The following PTPRM variants were observed in gnomAD, a reference collection of about 807,000 sequenced individuals.
PTPRM encodes the protein protein tyrosine phosphatase receptor type M.
A neutral mutation model predicts 186.7 loss-of-function variants in PTPRM; 47 were observed. That is an observed-to-expected ratio of 0.25 (90% confidence interval 0.20 to 0.32). The LOEUF (loss-of-function observed/expected upper bound fraction) is 0.32, where lower values mean the gene tolerates loss of function less well. Ranked by LOEUF, PTPRM falls within the 10% of genes least tolerant of loss-of-function variation. The pLI is 1.00. For missense variants in PTPRM, 1,494 were observed against 1,865.0 expected (o/e 0.80, Z 3.66); for synonymous variants, 668 against 674.9 (o/e 0.99, Z 0.16).
At chr18:7,596,836 CTTCAT>C (rs2037274669) in intron 1 of PTPRM, among the ~76,000 whole-genome samples, 1 of 151,806 alleles carries the variant, frequency 6.6e-6, no homozygotes. Flanking sequence ...CCCTTACTTT[CTTCAT>C]TTATCTTTTT....
intron 2 of PTPRM, among the ~76,000 whole-genome samples, chr18:7,784,998 G>C (rs963399113): frequency 1.3e-5 from 2 of 152,190 alleles, no homozygotes; most frequent in African/African-American, 4.8e-5. Context: ...AGTGATGCTG[G>C]AACAGGTAGA....
rs928307669 is a variant in PTPRM at position 7,633,715 on chromosome 18, G to T, written c.73+65824G>T. Among the ~76,000 whole-genome samples the T allele has an allele frequency of 5.9e-5, 9 of 152,160 alleles. No homozygotes were observed. In the East Asian group the frequency reaches 1.4e-3, roughly 23 times the overall value. ...TCCAAATGCTCTTCCTGCATCCTCC[G>T]CATCGCAGGAAAGGACAGCATCTTT... On this transcript the variant is annotated intron_variant, in intron 1 of 32. Coordinates refer to ENST00000580170, the MANE Select transcript of PTPRM (RefSeq NM_001105244.2).
chr18:7,904,386 T>G (rs1340698322), intron 3 of PTPRM, among the ~76,000 whole-genome samples: 1 of 152,146 alleles, frequency 6.6e-6, no homozygotes, highest in East Asian at 1.9e-4. Flanking sequence ...GTGGTGGTGA[T>G]GTCCTTTTGT....
intron 14 of PTPRM, among the ~76,000 whole-genome samples, chr18:8,227,433 T>TA (rs1386935524): frequency 6.6e-6 from 1 of 152,228 alleles, no homozygotes; most frequent in Admixed American, 6.5e-5. Context: ...AAAGGTTTTT[T>TA]AAAAAAAATT....
At chr18:7,681,300 T>G (rs976618952) in intron 1 of PTPRM, among the ~76,000 whole-genome samples, 1 of 152,146 alleles carries the variant, frequency 6.6e-6, no homozygotes, top group African/African-American at 2.4e-5. Flanking sequence ...GGTACTGATG[T>G]TATCCTTTTT....
intron 7 of PTPRM, among the ~76,000 whole-genome samples, chr18:7,964,889 C>A (rs1489137513): frequency 6.6e-6 from 1 of 151,772 alleles, no homozygotes; most frequent in Non-Finnish European, 1.5e-5. Context: ...TGCAGGGTGG[C>A]AAAAAAATAG....
chr18:8,396,645 G>A (rs926540041), intron 32 of PTPRM, among the ~76,000 whole-genome samples: 1 of 152,198 alleles, frequency 6.6e-6, no homozygotes, highest in Admixed American at 6.5e-5. Flanking sequence ...TTTGTATTAT[G>A]TGTGATCCTG....
intron 2 of PTPRM, among the ~76,000 whole-genome samples, chr18:7,821,516 C>A (rs2045194137): frequency 6.6e-6 from 1 of 151,924 alleles, no homozygotes. Context: ...CTAGTGGATG[C>A]CTGAAACCAC....
At chr18:8,236,710 T>A (rs1370765794) in intron 14 of PTPRM, among the ~76,000 whole-genome samples, 1 of 151,930 alleles carries the variant, frequency 6.6e-6, no homozygotes, top group Admixed American at 6.6e-5. Flanking sequence ...TCTGGTTAAT[T>A]TTTGTATTTT....
chr18:8,218,212 C>T lies in PTPRM; in HGVS notation c.2301-25846C>T, dbSNP rs180728937. ...ATTTAAATTACAATGTTTGTCAAAT[C>T]TCTAATCTTTGTTACAGAGTGGAAT... On this transcript the variant is annotated intron_variant, in intron 14 of 32. Transcript: ENST00000580170. Among the ~76,000 whole-genome samples, 10 of 152,298 alleles carry T rather than the reference C, an allele frequency of 6.6e-5. 1 individual carries two copies. Among genetic ancestry groups the T allele is most frequent in the African/African-American group, 2.4e-4 (10 of 41,570 alleles).
intron 4 of PTPRM, among the ~76,000 whole-genome samples, chr18:7,911,846 ATTTTT>A (rs57590269): frequency 7.4e-5 from 6 of 80,678 alleles, no homozygotes; most frequent in East Asian, 5.0e-4. Context: ...TATGGTTTCA[ATTTTT>A]TTTTTTTTTT....
At chr18:7,849,656 T>C (rs896624704) in intron 2 of PTPRM, among the ~76,000 whole-genome samples, 1 of 152,240 alleles carries the variant, frequency 6.6e-6, no homozygotes, top group African/African-American at 2.4e-5. Flanking sequence ...GTATACTTTT[T>C]GGAAATACTT....
intron 20 of PTPRM, among the ~76,000 whole-genome samples, chr18:8,305,900 A>ATT (rs113326579): frequency 1.4e-5 from 2 of 144,138 alleles, no homozygotes; most frequent in African/African-American, 2.5e-5. Context: ...AAAAGGGGTA[A>ATT]TTTTTTTTTT....
chr18:7,746,846 G>A (rs897902762), intron 1 of PTPRM, among the ~76,000 whole-genome samples: 2 of 152,114 alleles, frequency 1.3e-5, no homozygotes, highest in African/African-American at 2.4e-5. Flanking sequence ...GCTGGATGGC[G>A]ATTGGTTCTG....
chr18:8,038,516 C>G (rs1174651232), intron 7 of PTPRM, among the ~76,000 whole-genome samples: 1 of 151,942 alleles, frequency 6.6e-6, no homozygotes, highest in Admixed American at 6.6e-5. Context: ...CTCAGCCTCC[C>G]AAGTAGCTGG....
chr18:8,121,080 A>G (rs1302720508), intron 13 of PTPRM, among the ~76,000 whole-genome samples: 1 of 152,224 alleles, frequency 6.6e-6, no homozygotes, highest in African/African-American at 2.4e-5. Flanking sequence ...GGAGCTGCCT[A>G]TTCTCTGACC....
At chr18:8,387,951 A>T (rs2095788564) in intron 31 of PTPRM, among the ~76,000 whole-genome samples, 2 of 151,868 alleles carry the variant, frequency 1.3e-5, no homozygotes, top group South Asian at 4.2e-4. Context: ...ACATGAAAAA[A>T]AAAAAAAGCC....
At chr18:8,024,514 G>T (rs1239455035) in intron 7 of PTPRM, among the ~76,000 whole-genome samples, 1 of 152,008 alleles carries the variant, frequency 6.6e-6, no homozygotes, top group Non-Finnish European at 1.5e-5. Flanking sequence ...TAACAGTGAT[G>T]CCAGGACAAC....
intron 7 of PTPRM, among the ~76,000 whole-genome samples, chr18:8,040,288 CA>C (rs1361871424): frequency 1.3e-5 from 2 of 152,136 alleles, no homozygotes; most frequent in Admixed American, 6.6e-5. Context: ...GTCATCTTCC[CA>C]TTGAGAATTA....
Sources: gnomAD v4.1 joint callset for allele counts (sites outside exome capture counted in the v4.1 genomes callset) on GRCh38, gnomAD v4.1.1 for gene constraint, MANE v1.5 for transcripts, NCBI Gene and HGNC (gene_info 2026-07-23, HGNC 2026-07-21) for gene names.